The following KRCC1 variants were observed in gnomAD, a reference collection of about 807,000 sequenced individuals.
KRCC1 encodes lysine-rich coiled-coil protein 1.
A neutral mutation model predicts 7.4 loss-of-function variants in KRCC1; 3 were observed. The observed-to-expected ratio is 0.40, with a 90% CI of 0.18 to 1.04. KRCC1 has a LOEUF of 1.04. Among genes scored for constraint, KRCC1 ranks in the 50% least tolerant of loss-of-function variants. The pLI, the probability that KRCC1 is intolerant of heterozygous loss-of-function variation, is 0.33. For missense variants in KRCC1, 277 were observed against 300.9 expected, an observed-to-expected ratio of 0.92 and a Z score of 0.59; for synonymous variants, 102 against 101.6, an observed-to-expected ratio of 1.00 and a Z score of -0.02.
rs191500154 is a variant in KRCC1 at position 88,031,537 on chromosome 2, G to A, written c.-23+2597C>T. Among the ~76,000 whole-genome samples, 1,097 of 151,958 alleles carry A rather than the reference G, an allele frequency of 7.2e-3. 14 individuals carry two copies. Among genetic ancestry groups the A allele is most frequent in the African/African-American group, 0.026 (1,066 of 41,446 alleles). ...CTTGGGAGGCTGAGGCTGGAGAATCGCCTGAACCTAGGAGGCAGAGGTTGC... is the reference window on the plus strand; with the variant it reads ...CTTGGGAGGCTGAGGCTGGAGAATCACCTGAACCTAGGAGGCAGAGGTTGC... On this transcript the variant is annotated intron_variant, in intron 3 of 3. Coordinates refer to ENST00000347055, the MANE Select transcript of KRCC1 (RefSeq NM_016618.3).
chr2:88,040,063 T>C (rs1217882299), intron 1 of KRCC1, among the ~76,000 whole-genome samples: 2 of 152,070 alleles, frequency 1.3e-5, no homozygotes, highest in African/African-American at 4.8e-5. Context: ...CAAATCAGAA[T>C]ACATGGAAAG....
chr2:88,050,279 A>T (rs1160143156), intron 1 of KRCC1, among the ~76,000 whole-genome samples: 2 of 152,266 alleles, frequency 1.3e-5, no homozygotes, highest in East Asian at 3.8e-4. Context: ...ATAAGTAGCC[A>T]GAAATGTCCT....
intron 1 of KRCC1, among the ~76,000 whole-genome samples, chr2:88,040,037 G>C (rs538260580): frequency 2.6e-5 from 4 of 152,118 alleles, no homozygotes; most frequent in Non-Finnish European, 5.9e-5. Context: ...GGTAAATACT[G>C]TCTTTTGGTG....
chr2:88,048,430 C>T (rs1673393857), intron 1 of KRCC1, among the ~76,000 whole-genome samples: 1 of 151,984 alleles, frequency 6.6e-6, no homozygotes, highest in Non-Finnish European at 1.5e-5. Flanking sequence ...ATGAGAAGGC[C>T]TATGAATGCA....
chr2:88,027,382 C>CTCTAAG lies in KRCC1; in HGVS notation c.*401_*402insCTTAGA. On this transcript the variant is annotated 3_prime_UTR_variant, in exon 4 of 4. Coordinates refer to ENST00000347055, the MANE Select transcript of KRCC1 (RefSeq NM_016618.3). ...CTAATAAAGGAGAAAAAAATTGCTTCACAGAGAAAAACCAATGAACATAAA... is the reference window on the plus strand; with the variant it reads ...CTAATAAAGGAGAAAAAAATTGCTTCTCTAAGACAGAGAAAAACCAATGAACATAAA... 1 of 159,812 alleles carries CTCTAAG rather than the reference C, an allele frequency of 6.3e-6. No homozygotes were observed. The allele number at this position is 159,812 out of a possible 1,614,324, so 9.9% of individuals were successfully genotyped here.
intron 3 of KRCC1, among the ~76,000 whole-genome samples, chr2:88,032,879 C>T (rs1433848475): frequency 6.7e-6 from 1 of 150,048 alleles, no homozygotes; most frequent in Non-Finnish European, 1.5e-5. Flanking sequence ...AGTGGCAGAA[C>T]TGCTTGAGCT....
chr2:88,055,374 G>A (rs1673596584), intron 1 of KRCC1, among the ~76,000 whole-genome samples: 1 of 151,992 alleles, frequency 6.6e-6, no homozygotes, highest in Non-Finnish European at 1.5e-5. Flanking sequence ...GTCGCCCCTA[G>A]TTTCCCACTC....
At chr2:88,044,467 G>A (rs1422784928) in intron 1 of KRCC1, among the ~76,000 whole-genome samples, 1 of 151,918 alleles carries the variant, frequency 6.6e-6, no homozygotes, top group African/African-American at 2.4e-5. Context: ...CTCAACTAAC[G>A]TATCAGACAA....
chr2:88,052,961 T>C (rs1199907623), intron 1 of KRCC1, among the ~76,000 whole-genome samples: 2 of 152,248 alleles, frequency 1.3e-5, no homozygotes, highest in African/African-American at 4.8e-5. Flanking sequence ...TTTTAGTCTT[T>C]TGTGACTGTG....
intron 1 of KRCC1, among the ~76,000 whole-genome samples, chr2:88,042,310 T>G (rs1673228938): frequency 6.6e-6 from 1 of 152,120 alleles, no homozygotes; most frequent in African/African-American, 2.4e-5. Context: ...TCCAACCCCC[T>G]CGGAATCCCA....
At chr2:88,048,394 A>T (rs1673392742) in intron 1 of KRCC1, among the ~76,000 whole-genome samples, 1 of 152,160 alleles carries the variant, frequency 6.6e-6, no homozygotes, top group Non-Finnish European at 1.5e-5. Context: ...ATTTTATTGA[A>T]GTTATCTAAA....
chr2:88,051,633 G>C (rs891718265), intron 1 of KRCC1, among the ~76,000 whole-genome samples: 1 of 152,146 alleles, frequency 6.6e-6, no homozygotes, highest in Non-Finnish European at 1.5e-5. Flanking sequence ...AGTGACAATA[G>C]GTAATTTTTT....
Position 88,028,269 on chromosome 2 carries a change from C to A in KRCC1, c.295G>T (p.Asp99Tyr), listed in dbSNP as rs1433960095. 6.2e-7 allele frequency: 1 copy of A among 1,614,068 alleles called. No homozygotes were observed. Among genetic ancestry groups the A allele is most frequent in the Non-Finnish European group, 8.5e-7 (1 of 1,180,056 alleles). Residue 99 changes from aspartate (D) to tyrosine (Y), a missense_variant, in exon 4 of 4, where the codon GAC becomes TAC. By Grantham distance (160) the Asp-to-Tyr change is radical. Transcript: ENST00000347055. ...GTGAACTGACAGTAGCTCAGAGAGT[C>A]TAGTCTCAATCTGCTGTCATGGGCT... ...LPAHDSRLRL[D>Y]SLSYCQFTRD...
At chr2:88,051,449 A>T (rs1348798418) in intron 1 of KRCC1, among the ~76,000 whole-genome samples, 1 of 152,252 alleles carries the variant, frequency 6.6e-6, no homozygotes, top group East Asian at 1.9e-4. Context: ...TCTTAAAAAA[A>T]TTCTAGCTAA....
At chr2:88,033,472 G>A (rs1230684355) in intron 3 of KRCC1, among the ~76,000 whole-genome samples, 1 of 152,114 alleles carries the variant, frequency 6.6e-6, no homozygotes, top group African/African-American at 2.4e-5. Flanking sequence ...GTTGCAGTGA[G>A]CCAAGATTGC....
intron 2 of KRCC1, among the ~76,000 whole-genome samples, chr2:88,036,079 C>A (rs1451317327): frequency 6.6e-6 from 1 of 152,132 alleles, no homozygotes; most frequent in African/African-American, 2.4e-5. Context: ...AAATAAAATG[C>A]AGTTTCTGAC....
At chr2:88,048,666 ACCTTTTATTTTTCTTG>A (rs1486742253) in intron 1 of KRCC1, among the ~76,000 whole-genome samples, 1 of 152,154 alleles carries the variant, frequency 6.6e-6, no homozygotes, top group East Asian at 1.9e-4. Flanking sequence ...CAATCTGTAA[ACCTTTTATTTTTCTTG>A]CCTGAATGTA....
At chr2:88,050,458 T>G (rs1673450858) in intron 1 of KRCC1, among the ~76,000 whole-genome samples, 1 of 152,114 alleles carries the variant, frequency 6.6e-6, no homozygotes, top group African/African-American at 2.4e-5. Flanking sequence ...CTGTCTCTAC[T>G]AATAAAACAC....
In KRCC1 at chr2:88,028,312, C is replaced by T; in HGVS notation, c.252G>A (p.Arg84=). 1 of 1,614,150 alleles carries T rather than the reference C, an allele frequency of 6.2e-7. No individual in the cohort carries two copies. The highest frequency in any genetic ancestry group is 8.5e-7 in the Non-Finnish European group (1 of 1,180,032). ...SCNIPQTVEN[R]LPQWLPAHDS... is the part of the protein sequence containing the mutation. ...CATGGGCTGGTAACCACTGAGGCAACCGATTTTCCACTGTTTGTGGAATAT... is the reference window on the plus strand; with the variant it reads ...CATGGGCTGGTAACCACTGAGGCAATCGATTTTCCACTGTTTGTGGAATAT... The change falls in exon 4 of 4, where the codon CGG becomes CGA. Residue 84 remains arginine, a synonymous_variant. Coordinates refer to ENST00000347055, the MANE Select transcript of KRCC1 (RefSeq NM_016618.3).
Sources: allele counts gnomAD v4.1 joint callset (sites outside exome capture counted in the v4.1 genomes callset), GRCh38; gene constraint gnomAD v4.1.1; transcripts MANE v1.5; gene names NCBI Gene and HGNC (gene_info 2026-07-23, HGNC 2026-07-21).